The following PRIM2 variants were observed in gnomAD, a reference collection of about 807,000 sequenced individuals.
The protein encoded by PRIM2 is DNA primase large subunit.
A neutral mutation model predicts 67.3 loss-of-function variants in PRIM2; 39 were observed. That is an observed-to-expected ratio of 0.58 (90% CI 0.45 to 0.76). The LOEUF (loss-of-function observed/expected upper bound fraction) is 0.76, where lower values mean the gene tolerates loss of function less well. Among genes scored for constraint, PRIM2 ranks in the 30% least tolerant of loss-of-function variants. The pLI, the probability that PRIM2 is intolerant of heterozygous loss-of-function variation, is 0.00. For synonymous variants in PRIM2, 143 were observed against 198.7 expected (o/e 0.72, Z 2.36); for missense variants, 398 against 598.7 (o/e 0.66, Z 3.50).
the PRIM2 span, among the ~76,000 whole-genome samples, chr6:57,269,230 A>T: frequency 2.6e-5 from 4 of 151,718 alleles, no homozygotes; most frequent in Admixed American, 1.3e-4. Flanking sequence ...CAATGGTTGA[A>T]CTAGTTTACA....
intron 7 of PRIM2, among the ~76,000 whole-genome samples, chr6:57,458,499 T>A: frequency 6.6e-6 from 1 of 152,028 alleles, no homozygotes; most frequent in Non-Finnish European, 1.5e-5. Context: ...GCCTGGCCAA[T>A]GTGGTGAAAC....
chr6:57,342,167 C>T (rs1768515135), intron 5 of PRIM2, among the ~76,000 whole-genome samples: 2 of 152,112 alleles, frequency 1.3e-5, no homozygotes, highest in Non-Finnish European at 2.9e-5. Context: ...TACTGGGTTT[C>T]TGGTGGATAG....
intron 5 of PRIM2, 34 bp downstream of exon 5, chr6:57,326,079 C>A (rs1456684566): frequency 6.2e-7 from 1 of 1,601,470 alleles, no homozygotes; most frequent in Non-Finnish European, 8.5e-7. Flanking sequence ...TCTAATTGTT[C>A]TCACCATTCA....
chr6:57,634,539 C>T (rs1266393481), intron 13 of PRIM2, among the ~76,000 whole-genome samples: 7 of 152,368 alleles, frequency 4.6e-5, no homozygotes, highest in South Asian at 2.1e-4. Context: ...TTGGTTGCTC[C>T]GCTTGAGAGT....
chr6:57,617,300 T>A lies in PRIM2; in HGVS notation c.1230+10843T>A, dbSNP rs1337865647. ...TTTCCTCTTTTTAGGAGGACACCAG[T>A]AATATTGGATTAGGGCTTACCTTAA... On this transcript the variant is annotated intron_variant, in intron 12 of 13. Coordinates refer to ENST00000615550, the MANE Select transcript of PRIM2 (RefSeq NM_000947.5). Among the ~76,000 whole-genome samples the A allele has an allele frequency of 2.0e-5, 3 of 152,312 alleles. No individual in the cohort carries two copies. The East Asian group carries it at 5.8e-4, about 29-fold the overall frequency.
At chr6:57,478,041 A>G (rs1454858237) in intron 7 of PRIM2, among the ~76,000 whole-genome samples, 4 of 152,222 alleles carry the variant, frequency 2.6e-5, no homozygotes, top group Admixed American at 2.0e-4. Flanking sequence ...GATAACGTGT[A>G]TGTTTAATAC....
chr6:57,272,323 A>G, the PRIM2 span, among the ~76,000 whole-genome samples: 2 of 152,188 alleles, frequency 1.3e-5, no homozygotes, highest in Admixed American at 6.5e-5. Context: ...TATTGGGTGC[A>G]TATATATTTA....
At chr6:57,438,463 A>G (rs1173650137) in intron 7 of PRIM2, among the ~76,000 whole-genome samples, 1 of 152,162 alleles carries the variant, frequency 6.6e-6, no homozygotes, top group Non-Finnish European at 1.5e-5. Context: ...TGAAATGACC[A>G]GCTTTGATGA....
At chr6:57,632,898 G>A (rs1370983122) in intron 13 of PRIM2, among the ~76,000 whole-genome samples, 1 of 152,214 alleles carries the variant, frequency 6.6e-6, no homozygotes, top group Non-Finnish European at 1.5e-5. Context: ...AGGGAAATGT[G>A]TTTGGTTTTT....
intron 3 of PRIM2, among the ~76,000 whole-genome samples, chr6:57,321,068 A>G (rs1228167945): frequency 1.3e-5 from 2 of 152,214 alleles, no homozygotes; most frequent in Non-Finnish European, 2.9e-5. Context: ...GCAGATTGAC[A>G]GGGTCATGTC....
the PRIM2 span, among the ~76,000 whole-genome samples, chr6:57,252,794 G>A: frequency 1.4e-4 from 21 of 152,260 alleles, no homozygotes; most frequent in Non-Finnish European, 2.5e-4. Flanking sequence ...TTAATAAATT[G>A]GCCAAACTGG....
chr6:57,529,183 G>T (rs1262224899), intron 8 of PRIM2, among the ~76,000 whole-genome samples: 4 of 152,044 alleles, frequency 2.6e-5, no homozygotes, highest in Non-Finnish European at 2.9e-5. Context: ...GGTGGTGGGC[G>T]CCTGTATTCC....
intron 7 of PRIM2, among the ~76,000 whole-genome samples, chr6:57,477,204 G>T (rs1773496796): frequency 6.6e-6 from 1 of 152,094 alleles, no homozygotes; most frequent in South Asian, 2.1e-4. Context: ...TGTTGCCCAG[G>T]CTGGTCTTGA....
intron 12 of PRIM2, among the ~76,000 whole-genome samples, chr6:57,623,028 C>T (rs2127497364): frequency 1.3e-5 from 2 of 152,280 alleles, no homozygotes; most frequent in East Asian, 1.9e-4. Flanking sequence ...TTCTGTCTGT[C>T]TATTACTTTG....
chr6:57,498,499 C>T (rs1211840451), intron 7 of PRIM2, among the ~76,000 whole-genome samples: 1 of 152,092 alleles, frequency 6.6e-6, no homozygotes, highest in African/African-American at 2.4e-5. Context: ...GCCCTAATAC[C>T]ACTGTAAGAG....
At chr6:57,383,783 A>G (rs945339248) in intron 7 of PRIM2, among the ~76,000 whole-genome samples, 4 of 152,280 alleles carry the variant, frequency 2.6e-5, no homozygotes, top group Admixed American at 2.6e-4. Flanking sequence ...TGCTGAATTA[A>G]CCTATTCTGG....
At chr6:57,283,313 C>G in the PRIM2 span, among the ~76,000 whole-genome samples, 1 of 152,148 alleles carries the variant, frequency 6.6e-6, no homozygotes, top group East Asian at 1.9e-4. Context: ...TAACTACATG[C>G]CTTCTTGTTG....
chr6:57,599,862 CTG>C (rs1776428767), intron 10 of PRIM2, among the ~76,000 whole-genome samples: 1 of 152,174 alleles, frequency 6.6e-6, no homozygotes, highest in Non-Finnish European at 1.5e-5. Context: ...GAATATTGCT[CTG>C]TTGCCCTGAC....
chr6:57,532,820 G>A (rs1434214565), intron 9 of PRIM2, among the ~76,000 whole-genome samples: 2 of 152,058 alleles, frequency 1.3e-5, no homozygotes, highest in African/African-American at 4.8e-5. Flanking sequence ...TAGTTTGTTA[G>A]GGTTGTCATG....
Sources: allele counts gnomAD v4.1 joint callset (sites outside exome capture counted in the v4.1 genomes callset), GRCh38; gene constraint gnomAD v4.1.1; transcripts MANE v1.5; gene names NCBI Gene and HGNC (gene_info 2026-07-23, HGNC 2026-07-21).